Variants in NCOA1 observed in about 807,000 individuals in gnomAD.
NCOA1 encodes the protein nuclear receptor coactivator 1.
A neutral mutation model predicts 150.9 loss-of-function variants in NCOA1; 35 were observed. The observed-to-expected ratio is 0.23, with a 90% confidence interval of 0.18 to 0.31. The LOEUF (loss-of-function observed/expected upper bound fraction) is 0.31, where lower values mean the gene tolerates loss of function less well. Among genes scored for constraint, NCOA1 ranks in the 10% least tolerant of loss-of-function variants. NCOA1 has a pLI of 1.00. For missense variants in NCOA1, 1,491 were observed against 1,749.3 expected (o/e 0.85, Z 2.63); for synonymous variants, 590 against 630.0 (o/e 0.94, Z 0.95).
chr2:24,659,355 TA>T (rs1470003219), intron 5 of NCOA1, among the ~76,000 whole-genome samples: 1 of 152,188 alleles, frequency 6.6e-6, no homozygotes, highest in Admixed American at 6.6e-5. Context: ...ATCAGGATTT[TA>T]AAAAATGATT....
intron 19 of NCOA1, among the ~76,000 whole-genome samples, chr2:24,750,035 AAAAAC>A (rs1267566661): frequency 3.3e-5 from 5 of 152,264 alleles, no homozygotes; most frequent in South Asian, 2.1e-4. Flanking sequence ...CTGAGATTTA[AAAAAC>A]AAAACAAAAC....
rs996831840 is a variant in NCOA1, at chr2:24,685,029, A to G, written c.532+1901A>G. Among the ~76,000 whole-genome samples, 115 of 152,178 alleles carry G rather than the reference A, an allele frequency of 7.6e-4. 1 individual carries two copies. Among genetic ancestry groups the G allele is most frequent in the African/African-American group, 2.6e-3 (108 of 41,558 alleles). ...TGTAATTCATTATCAACCACTGGGG[A>G]AAAAAATCAAATCAAGATTCAGAAC... On this transcript the variant is annotated intron_variant, in intron 8 of 22. Transcript: ENST00000348332.
At chr2:24,592,986 G>A (rs1228150498) in intron 3 of NCOA1, among the ~76,000 whole-genome samples, 1 of 152,036 alleles carries the variant, frequency 6.6e-6, no homozygotes, top group African/African-American at 2.4e-5. Context: ...GTGAGTGATA[G>A]TAATACTGAC....
chr2:24,600,046 A>G (rs952817316), intron 3 of NCOA1, among the ~76,000 whole-genome samples: 1 of 151,842 alleles, frequency 6.6e-6, no homozygotes, highest in Admixed American at 6.6e-5. Context: ...TATATGCCTA[A>G]GCCTTAGTCC....
intron 14 of NCOA1, among the ~76,000 whole-genome samples, chr2:24,720,500 A>G (rs1674303264): frequency 1.3e-5 from 2 of 152,188 alleles, no homozygotes; most frequent in African/African-American, 4.8e-5. Flanking sequence ...AATAGGCCAG[A>G]ATCTGTTTCA....
intron 6 of NCOA1, among the ~76,000 whole-genome samples, chr2:24,667,329 G>A (rs138562002): frequency 5.7e-4 from 86 of 152,108 alleles, no homozygotes; most frequent in Non-Finnish European, 7.6e-4. Context: ...CTGAGCAGTC[G>A]GAAGATGAAG....
chr2:24,526,385 A>G (rs1196626652), intron 1 of NCOA1, among the ~76,000 whole-genome samples: 2 of 151,274 alleles, frequency 1.3e-5, no homozygotes, highest in Non-Finnish European at 2.9e-5. Context: ...ACTTTTTTTC[A>G]TAATTGGTTT....
At chr2:24,702,086 A>G (rs964736019) in intron 11 of NCOA1, among the ~76,000 whole-genome samples, 2 of 152,224 alleles carry the variant, frequency 1.3e-5, no homozygotes, top group African/African-American at 4.8e-5. Context: ...ATTGCTATAA[A>G]ACATAAAGTA....
chr2:24,768,941 T>G lies in NCOA1; in HGVS notation c.*550T>G, dbSNP rs1665203443. 4.6e-6 allele frequency: 1 copy of G among 216,600 alleles called. No individual in the cohort carries two copies. Among genetic ancestry groups the G allele is most frequent in the African/African-American group, 2.3e-5 (1 of 44,304 alleles). The allele number at this position is 216,600 out of a possible 1,614,324, so 13.4% of individuals were successfully genotyped here. Reference sequence around the variant, plus strand: ...TCTGTATCTGTTGGCTTCAAGAGAATATTTTGCCTCCACATATGTACCCCT... The same window carrying G: ...TCTGTATCTGTTGGCTTCAAGAGAAGATTTTGCCTCCACATATGTACCCCT... On this transcript the variant is annotated 3_prime_UTR_variant, in exon 23 of 23. Transcript: ENST00000348332.
At chr2:24,620,370 G>A (rs762246520) in intron 3 of NCOA1, among the ~76,000 whole-genome samples, 21 of 152,188 alleles carry the variant, frequency 1.4e-4, no homozygotes, top group African/African-American at 3.1e-4. Flanking sequence ...TTGGGAGGCC[G>A]AGGTGGACGG....
chr2:24,625,208 A>G (rs1454740684), intron 3 of NCOA1, among the ~76,000 whole-genome samples: 3 of 151,828 alleles, frequency 2.0e-5, no homozygotes, highest in East Asian at 1.9e-4. Context: ...CCATTTAAAT[A>G]TGTAAAAACT....
chr2:24,638,872 A>G (rs1422145904), intron 3 of NCOA1, among the ~76,000 whole-genome samples: 1 of 152,004 alleles, frequency 6.6e-6, no homozygotes, highest in Non-Finnish European at 1.5e-5. Context: ...TGCTGTTGAG[A>G]TATTTGAGTT....
chr2:24,637,766 G>A (rs966887323), intron 3 of NCOA1, among the ~76,000 whole-genome samples: 2 of 152,172 alleles, frequency 1.3e-5, no homozygotes, highest in Non-Finnish European at 2.9e-5. Context: ...CATGATTTCG[G>A]CTCACCGCAA....
At chr2:24,724,080 T>G (rs1156699813) in intron 14 of NCOA1, among the ~76,000 whole-genome samples, 1 of 151,630 alleles carries the variant, frequency 6.6e-6, no homozygotes, top group Non-Finnish European at 1.5e-5. Flanking sequence ...TTTTGTTTGT[T>G]TTTTGTTTTG....
intron 1 of NCOA1, among the ~76,000 whole-genome samples, chr2:24,561,978 G>C (rs939640078): frequency 3.3e-5 from 5 of 152,028 alleles, no homozygotes; most frequent in African/African-American, 1.2e-4. Context: ...TTGAAATGCA[G>C]GTCAGTTTAG....
At chr2:24,700,179 A>C (rs145747837) in intron 11 of NCOA1, among the ~76,000 whole-genome samples, 4 of 148,592 alleles carry the variant, frequency 2.7e-5, no homozygotes, top group African/African-American at 9.9e-5. Context: ...AATAATAATA[A>C]TAGTAATAAT....
chr2:24,599,625 TGACTTAA>T (rs1668024451), intron 3 of NCOA1, among the ~76,000 whole-genome samples: 1 of 152,140 alleles, frequency 6.6e-6, no homozygotes, highest in African/African-American at 2.4e-5. Flanking sequence ...GGCTTAGCTA[TGACTTAA>T]ATATACTACA....
intron 14 of NCOA1, among the ~76,000 whole-genome samples, chr2:24,720,427 A>G (rs1325921360): frequency 1.3e-5 from 2 of 152,222 alleles, no homozygotes; most frequent in Admixed American, 1.3e-4. Flanking sequence ...TATTGAGGCA[A>G]ACAGCTTTTT....
At chr2:24,547,182 C>A (rs922756518) in intron 1 of NCOA1, among the ~76,000 whole-genome samples, 2 of 152,024 alleles carry the variant, frequency 1.3e-5, no homozygotes, top group African/African-American at 4.8e-5. Context: ...TATGATTAAT[C>A]CTCTTTATCT....
Sources: gnomAD v4.1 joint callset for allele counts (sites outside exome capture counted in the v4.1 genomes callset) on GRCh38, gnomAD v4.1.1 for gene constraint, MANE v1.5 for transcripts, NCBI Gene and HGNC (gene_info 2026-07-23, HGNC 2026-07-21) for gene names.